HOXC9: variants seen among roughly 807,000 people sequenced by gnomAD.
HOXC9 encodes homeobox protein Hox-C9.
Under a neutral mutation model 20.0 loss-of-function variants are expected in HOXC9, and 10 were observed. The ratio of observed to expected loss-of-function variants is 0.50; its 90% CI spans 0.31 to 0.85. HOXC9 has a LOEUF of 0.85. Ranked by LOEUF, HOXC9 falls within the 40% of genes least tolerant of loss-of-function variation. The pLI is 0.05. For synonymous variants in HOXC9, 200 were observed against 163.7 expected (o/e 1.22, Z -1.69); for missense variants, 394 against 376.7 (o/e 1.05, Z -0.38).
At position 54,002,841 on chromosome 12, in the gene HOXC9, G is replaced by A. The variant is rs528839962; in HGVS notation, c.*167G>A. ...AGGAAGGGGAAAAGAAAACTCTTGCGATTTGGGAGGGTTCAGTGTTGAGAT... is the reference window on the plus strand; with the variant it reads ...AGGAAGGGGAAAAGAAAACTCTTGCAATTTGGGAGGGTTCAGTGTTGAGAT... On this transcript the variant is annotated 3_prime_UTR_variant, in exon 2 of 2. Transcript: ENST00000303450. 2 of 741,746 alleles carry A rather than the reference G, an allele frequency of 2.7e-6. No homozygotes were observed. The highest frequency in any genetic ancestry group is 2.1e-6 in the Non-Finnish European group (1 of 478,774). The allele number at this position is 741,746 out of a possible 1,614,324, so 45.9% of individuals were successfully genotyped here.
chr12:54,001,429 T>TAC (rs56935573), intron 1 of HOXC9, among the ~76,000 whole-genome samples: 11,129 of 146,302 alleles, frequency 0.076, 996 homozygotes, highest in African/African-American at 0.22. Context: ...TAGAGAATTC[T>TAC]ACACACACAC....
intron 1 of HOXC9, 113 bp downstream of exon 1, chr12:54,000,839 G>A: frequency 1.0e-6 from 1 of 959,398 alleles, no homozygotes; most frequent in Non-Finnish European, 1.5e-6. Flanking sequence ...GGAGAGGGGC[G>A]AGGGGGCGAG....
Position 54,000,647 on chromosome 12 carries a change from C to T in HOXC9, c.459C>T (p.Ala153=). 6 of 1,552,770 alleles carry T rather than the reference C, an allele frequency of 3.9e-6. No homozygotes were observed. Among genetic ancestry groups the T allele is most frequent in the Non-Finnish European group, 5.2e-6 (6 of 1,155,396 alleles). The part of the protein sequence containing the change: ...YGSPGELRDR[A]PQTLPSPEAD... ...CGCCCGGGGAGCTGCGCGACCGCGC[C>T]CCGCAGACACTGCCCTCGCCCGAGG... is the stretch of plus-strand genomic sequence containing the variant. Residue 153 remains alanine (A), a synonymous_variant, in exon 1 of 2, where the codon GCC becomes GCT. Coordinates refer to ENST00000303450, the MANE Select transcript of HOXC9 (RefSeq NM_006897.3).
rs911751845 is a variant in HOXC9, at chr12:54,000,357, C to G, written c.169C>G (p.Pro57Ala). The stretch of plus-strand genomic sequence containing the variant: ...CGATTTTCCGTCCTGTAGCTTCGCG[C>G]CCAAGCCGGCAGTGTTCAGCACGTC... ...CSDFPSCSFA[P>A]KPAVFSTSWA... is the part of the protein sequence containing the mutation. Residue 57 changes from proline (P) to alanine (A), a missense_variant, in exon 1 of 2, where the codon CCC becomes GCC. Transcript: ENST00000303450. 1.9e-6 allele frequency: 3 copies of G among 1,613,844 alleles called. No homozygotes were observed. Among genetic ancestry groups the G allele is most frequent in the Non-Finnish European group, 2.5e-6 (3 of 1,180,054 alleles).
chr12:54,000,876 G>A, intron 1 of HOXC9, 150 bp downstream of exon 1: 1 of 689,462 alleles, frequency 1.5e-6, no homozygotes, highest in East Asian at 3.3e-5. Flanking sequence ...ATTACCTTGG[G>A]GAGCTTTCAG....
chr12:54,002,592 G>A lies in HOXC9; in HGVS notation c.701G>A (p.Arg234Gln), dbSNP rs1939771881. The A allele has an allele frequency of 6.2e-7, 1 of 1,614,074 alleles. No individual in the cohort carries two copies. Among genetic ancestry groups the A allele is most frequent in the Non-Finnish European group, 8.5e-7 (1 of 1,180,022 alleles). ...GCCCGGGTTCTCAATCTCACCGAGCGGCAGGTCAAAATCTGGTTTCAGAAT... is the reference window on the plus strand; with the variant it reads ...GCCCGGGTTCTCAATCTCACCGAGCAGCAGGTCAAAATCTGGTTTCAGAAT... ...EVARVLNLTE[R>Q]QVKIWFQNRR... Residue 234 changes from arginine (R) to glutamine (Q), a missense_variant, in exon 2 of 2, where the codon CGG becomes CAG. Transcript: ENST00000303450.
intron 1 of HOXC9, among the ~76,000 whole-genome samples, chr12:54,001,589 G>A (rs375001699): frequency 6.6e-6 from 1 of 152,070 alleles, no homozygotes; most frequent in African/African-American, 2.4e-5. Flanking sequence ...AGGGGAGGGG[G>A]TGCAGACCCC....
chr12:54,000,211 G>C lies in HOXC9; in HGVS notation c.23G>C (p.Ser8Thr). The C allele has an allele frequency of 6.2e-7, 1 of 1,614,136 alleles. No homozygotes were observed. The highest frequency in any genetic ancestry group is 8.5e-7 in the Non-Finnish European group (1 of 1,180,036). Residue 8 changes from serine (S) to threonine (T), a missense_variant, in exon 1 of 2, where the codon AGT becomes ACT. Physicochemically the swap from Ser to Thr is moderately conservative, Grantham distance 58. Coordinates refer to ENST00000303450, the MANE Select transcript of HOXC9 (RefSeq NM_006897.3). ...ACGATGTCGGCGACGGGGCCCATCA[G>C]TAACTATTACGTGGACTCGCTCATC... MSATGPISNYYVDSLISH... is the reference protein window; with the variant it reads MSATGPITNYYVDSLISH...
At chr12:54,002,338 T>G (rs1939764060) in intron 1 of HOXC9, 92 bp from the exon 2 acceptor site, 2 of 1,461,568 alleles carry the variant, frequency 1.4e-6, no homozygotes, top group African/African-American at 1.4e-5. Context: ...GTTATTGCAT[T>G]TGGGGAGCCT....
chr12:54,002,073 G>C (rs923025991), intron 1 of HOXC9, among the ~76,000 whole-genome samples: 1 of 152,002 alleles, frequency 6.6e-6, no homozygotes, highest in African/African-American at 2.4e-5. Flanking sequence ...GAGAGACCTT[G>C]CTATAAAAAT....
chr12:54,000,542 C>G lies in HOXC9; in HGVS notation c.354C>G (p.Leu118=). The G allele has an allele frequency of 1.3e-6, 2 of 1,560,806 alleles. No homozygotes were observed. Among genetic ancestry groups the G allele is most frequent in the Non-Finnish European group, 1.7e-6 (2 of 1,160,300 alleles). Residue 118 remains leucine, a synonymous_variant, in exon 1 of 2, where the codon CTC becomes CTG. Coordinates refer to ENST00000303450, the MANE Select transcript of HOXC9 (RefSeq NM_006897.3). ...CGGCCGGGGGCCGTCACTACGCCCT[C>G]AAGCCGGACGCCTACCCCGGGCGCC... The part of the protein sequence containing the change: ...SFPAGGRHYA[L]KPDAYPGRRA...
intron 1 of HOXC9, 52 bp downstream of exon 1, chr12:54,000,778 A>C: frequency 7.1e-7 from 1 of 1,401,100 alleles, no homozygotes; most frequent in Non-Finnish European, 9.4e-7. Context: ...GGAGGGGAGG[A>C]CGGGCGGGGG....
At chr12:54,001,421 G>C (rs919493479) in intron 1 of HOXC9, among the ~76,000 whole-genome samples, 16 of 147,556 alleles carry the variant, frequency 1.1e-4, no homozygotes, top group Admixed American at 7.3e-4. Flanking sequence ...CCCCAGATTA[G>C]AGAATTCTAC....
rs1422605510 is a variant in HOXC9, at chr12:54,002,563, G to A, written c.672G>A (p.Glu224=). ...NMYLTRDRRY[E]VARVLNLTER... ...ATTTAACCAGGGACCGTCGGTATGAGGTGGCCCGGGTTCTCAATCTCACCG... is the reference window on the plus strand; with the variant it reads ...ATTTAACCAGGGACCGTCGGTATGAAGTGGCCCGGGTTCTCAATCTCACCG... Residue 224 remains glutamate (E), a synonymous_variant, in exon 2 of 2, where the codon GAG becomes GAA. Coordinates refer to ENST00000303450, the MANE Select transcript of HOXC9 (RefSeq NM_006897.3). The A allele has an allele frequency of 1.2e-6, 2 of 1,614,204 alleles. No homozygotes were observed. Among genetic ancestry groups the A allele is most frequent in the Admixed American group, 1.7e-5 (1 of 60,020 alleles).
chr12:54,002,441 G>A lies in HOXC9; in HGVS notation c.550G>A (p.Ala184Thr), dbSNP rs772881898. ...GTTTGGCCCTCCAGGCAACCCCGTG[G>A]CCAACTGGATTCACGCCCGCTCCAC... is the stretch of plus-strand genomic sequence containing the variant. ...KADLDPSNPV[A>T]NWIHARSTRK... Residue 184 changes from alanine to threonine, a missense_variant, in exon 2 of 2, where the codon GCC becomes ACC. Ala to Thr is a moderately conservative substitution (Grantham distance 58). Coordinates refer to ENST00000303450, the MANE Select transcript of HOXC9 (RefSeq NM_006897.3). 1.2e-5 allele frequency: 19 copies of A among 1,613,542 alleles called. No individual in the cohort carries two copies. The highest frequency in any genetic ancestry group is 1.6e-5 in the Non-Finnish European group (19 of 1,179,726).
Position 54,002,413 on chromosome 12 carries a change from T to C in HOXC9, c.539-17T>C. 6.2e-7 allele frequency: 1 copy of C among 1,611,022 alleles called. No homozygotes were observed. On this transcript the variant is annotated splice_polypyrimidine_tract_variant and intron_variant, in intron 1 of 1. Coordinates refer to ENST00000303450, the MANE Select transcript of HOXC9 (RefSeq NM_006897.3). ...GAAAGGGGCTCCACTGACCCCTGCTTGTGTTTGGCCCTCCAGGCAACCCCG... is the reference window on the plus strand; with the variant it reads ...GAAAGGGGCTCCACTGACCCCTGCTCGTGTTTGGCCCTCCAGGCAACCCCG...
intron 1 of HOXC9, among the ~76,000 whole-genome samples, chr12:54,001,464 A>ACT (rs1565725659): frequency 4.1e-5 from 6 of 144,660 alleles, no homozygotes; most frequent in Admixed American, 1.4e-4. Flanking sequence ...ACTCACTCTC[A>ACT]CTCACTCACT....
At chr12:54,000,783 CGGGGGCAG>C in intron 1 of HOXC9, 57 bp downstream of exon 1, 1 of 1,284,062 alleles carries the variant, frequency 7.8e-7, no homozygotes. Flanking sequence ...GGAGGACGGG[CGGGGGCAG>C]CCGAATTACA....
intron 1 of HOXC9, 73 bp downstream of exon 1, chr12:54,000,799 A>G (rs1200950575): frequency 1.5e-6 from 2 of 1,339,384 alleles, no homozygotes; most frequent in Non-Finnish European, 2.0e-6. Context: ...CAGCCGAATT[A>G]CAGCCCTCCC....
Sources: allele counts gnomAD v4.1 joint callset (sites outside exome capture counted in the v4.1 genomes callset), GRCh38; gene constraint gnomAD v4.1.1; transcripts MANE v1.5; gene names NCBI Gene and HGNC (gene_info 2026-07-23, HGNC 2026-07-21).